MROH7: variants seen among roughly 807,000 people sequenced by gnomAD.
The protein encoded by MROH7 is maestro heat-like repeat-containing protein family member 7.
Under a neutral mutation model 129.2 loss-of-function variants are expected in MROH7, and 113 were observed. The observed-to-expected ratio is 0.87, with a 90% CI of 0.75 to 1.02. The LOEUF is 1.02. Ranked by LOEUF, MROH7 falls within the 50% of genes least tolerant of loss-of-function variation. The pLI is 0.00. For missense variants in MROH7, 1,601 were observed against 1,671.3 expected, an observed-to-expected ratio of 0.96 and a Z score of 0.73; for synonymous variants, 655 against 667.9, an observed-to-expected ratio of 0.98 and a Z score of 0.30.
chr1:54,706,585 T>C (rs1237230249), intron 22 of MROH7, 48 bp downstream of exon 22: 2 of 1,432,394 alleles, frequency 1.4e-6, no homozygotes, highest in Non-Finnish European at 2.0e-6. Flanking sequence ...CTCTGCCTGC[T>C]CTCCAGTTTG....
At chr1:54,655,496 G>A (rs376663358) in intron 3 of MROH7, among the ~76,000 whole-genome samples, 3 of 151,796 alleles carry the variant, frequency 2.0e-5, no homozygotes, top group South Asian at 4.2e-4. Context: ...TCAGCCTCCC[G>A]AGTAGCTAGG....
chr1:54,701,106 G>C, intron 18 of MROH7, 37 bp from the exon 19 acceptor site: 1 of 1,606,890 alleles, frequency 6.2e-7, no homozygotes, highest in African/African-American at 1.3e-5. Flanking sequence ...TGCTAGCTCA[G>C]ATAGGAGCCC....
chr1:54,665,916 T>C (rs1283841270), intron 4 of MROH7: 1 of 152,370 alleles, frequency 6.6e-6, no homozygotes, highest in Non-Finnish European at 1.5e-5. Context: ...GAGAAGTGAC[T>C]GGACTAAGAG....
chr1:54,645,988 T>A (rs1644460623), intron 1 of MROH7, among the ~76,000 whole-genome samples: 1 of 152,210 alleles, frequency 6.6e-6, no homozygotes, highest in African/African-American at 2.4e-5. Flanking sequence ...CTTGGCACTG[T>A]TCCGTACTCT....
chr1:54,706,036 C>T (rs980233145), intron 21 of MROH7, among the ~76,000 whole-genome samples: 10 of 152,102 alleles, frequency 6.6e-5, no homozygotes, highest in African/African-American at 1.2e-4. Flanking sequence ...CGAGTAAGCC[C>T]TATTTCTGTC....
At chr1:54,698,989 TC>T (rs1305126593) in intron 17 of MROH7, 1 of 151,912 alleles carries the variant, frequency 6.6e-6, no homozygotes, top group African/African-American at 2.4e-5. Flanking sequence ...AGATGGGGTT[TC>T]CCCATGTTGG....
rs2101067733 is a variant in MROH7, at chr1:54,653,792, G to A, written c.866G>A (p.Ser289Asn). ...AGCGGCCACTCCAGATCTGATTTGA[G>A]CGTGACCATCACTCAAGCCTCGTAT... is the stretch of plus-strand genomic sequence containing the variant. ...ASSGHSRSDL[S>N]VTITQASYVT... Residue 289 changes from serine (S) to asparagine (N), a missense_variant, in exon 3 of 24, where the codon AGC becomes AAC. Physicochemically the swap from Ser to Asn is conservative, Grantham distance 46. Coordinates refer to ENST00000421030, the MANE Select transcript of MROH7 (RefSeq NM_001039464.4). 1 of 1,614,192 alleles carries A rather than the reference G, an allele frequency of 6.2e-7. No homozygotes were observed. The highest frequency in any genetic ancestry group is 8.5e-7 in the Non-Finnish European group (1 of 1,180,042).
intron 3 of MROH7, among the ~76,000 whole-genome samples, chr1:54,657,632 TC>T (rs1644669481): frequency 6.6e-6 from 1 of 152,082 alleles, no homozygotes; most frequent in Non-Finnish European, 1.5e-5. Flanking sequence ...TGCCTTGGGT[TC>T]CCCAAGTGCT....
intron 4 of MROH7, among the ~76,000 whole-genome samples, chr1:54,666,000 A>G (rs148993359): frequency 0.013 from 1,999 of 152,334 alleles, 41 homozygotes; most frequent in East Asian, 0.079. Context: ...TTCCTGCCAC[A>G]CTGGCCTTTT....
rs375694936 is a variant in MROH7 at position 54,657,693 on chromosome 1, T to TA, written c.1231+3536_1231+3537insA. On this transcript the variant is annotated intron_variant, in intron 3 of 23. Transcript: ENST00000421030. ...ACCTGGCCCTATCTTAACCTTTTTT[T>TA]TTTTTTGAGATGGAGTCTTGATTGC... Among the ~76,000 whole-genome samples, 161 of 152,208 alleles carry TA rather than the reference T, an allele frequency of 1.1e-3. 1 individual carries two copies. The highest frequency in any genetic ancestry group is 3.4e-3 in the Middle Eastern group (1 of 294).
chr1:54,674,767 C>A (rs995299647), intron 10 of MROH7, among the ~76,000 whole-genome samples: 4 of 152,164 alleles, frequency 2.6e-5, no homozygotes, highest in African/African-American at 9.7e-5. Flanking sequence ...TATCAGCTGT[C>A]ACTTGCCTCC....
rs1318464473 is a variant in MROH7 at position 54,668,940 on chromosome 1, G to C, written c.1389+3G>C. 2 of 1,609,086 alleles carry C rather than the reference G, an allele frequency of 1.2e-6. No homozygotes were observed. The highest frequency in any genetic ancestry group is 1.1e-5 in the South Asian group (1 of 90,960). On this transcript the variant is annotated splice_donor_region_variant and intron_variant, in intron 5 of 23. Coordinates refer to ENST00000421030, the MANE Select transcript of MROH7 (RefSeq NM_001039464.4). ...AGACCATGATAAAGAAGATTATGGT[G>C]GGGGAGCCACAGGCGGGTCTGTGGC...
At chr1:54,684,681 AG>A (rs1248027475) in intron 14 of MROH7, among the ~76,000 whole-genome samples, 8 of 152,236 alleles carry the variant, frequency 5.3e-5, no homozygotes, top group African/African-American at 1.9e-4. Flanking sequence ...CTGCTGGAAA[AG>A]TACAAGGGCT....
Position 54,665,297 on chromosome 1 carries a change from C to T in MROH7, c.1305+57C>T, listed in dbSNP as rs1215500572. 3 of 1,410,310 alleles carry T rather than the reference C, an allele frequency of 2.1e-6. No homozygotes were observed. In the African/African-American group the frequency reaches 4.2e-5, roughly 20 times the overall value. 87.4% of individuals were successfully genotyped at this position (1,410,310 alleles called of 1,614,324 possible). A position where few individuals can be genotyped will look rare whatever the true frequency, so the allele number is the denominator to read the frequency against. On this transcript the variant is annotated intron_variant, in intron 4 of 23. Transcript: ENST00000421030. ...TGCTGGGATACTTCCATCCTGCCAA[C>T]CCCCTACCCCCCAGCCCAGCAGCCT...
At chr1:54,680,729 A>G (rs1645056404) in intron 13 of MROH7, among the ~76,000 whole-genome samples, 1 of 152,080 alleles carries the variant, frequency 6.6e-6, no homozygotes, top group South Asian at 2.1e-4. Flanking sequence ...CTTTCTTTGA[A>G]TGAGTAAAAC....
intron 4 of MROH7, 149 bp from the exon 5 acceptor site, chr1:54,668,705 G>C: frequency 1.6e-6 from 1 of 614,978 alleles, no homozygotes; most frequent in Non-Finnish European, 2.9e-6. Context: ...CCCACCCCAA[G>C]CTCCCCTTGT....
rs760754674 is a variant in MROH7 at position 54,702,608 on chromosome 1, C to T, written c.3442-15C>T. On this transcript the variant is annotated splice_polypyrimidine_tract_variant and intron_variant, in intron 20 of 23. Coordinates refer to ENST00000421030, the MANE Select transcript of MROH7 (RefSeq NM_001039464.4). ...CTGTCCACAGTTCTGATATTTTCTTCCTATTGGTTCCCAGAAGTGTGTGAA... is the reference window on the plus strand; with the variant it reads ...CTGTCCACAGTTCTGATATTTTCTTTCTATTGGTTCCCAGAAGTGTGTGAA... The T allele has an allele frequency of 7.6e-6, 12 of 1,573,588 alleles. No homozygotes were observed. In the East Asian group the frequency reaches 2.5e-4, roughly 33 times the overall value.
chr1:54,699,970 A>G, intron 17 of MROH7: 3 of 614,950 alleles, frequency 4.9e-6, no homozygotes, highest in Non-Finnish European at 5.9e-6. Context: ...GGGGTGGAAC[A>G]GCCTGGGTAG....
chr1:54,657,337 A>G (rs1644665314), intron 3 of MROH7, among the ~76,000 whole-genome samples: 1 of 152,064 alleles, frequency 6.6e-6, no homozygotes, highest in African/African-American at 2.4e-5. Flanking sequence ...AGCATGAGCC[A>G]CCATGTCCAG....
Sources: gnomAD v4.1 joint callset for allele counts (sites outside exome capture counted in the v4.1 genomes callset) on GRCh38, gnomAD v4.1.1 for gene constraint, MANE v1.5 for transcripts, NCBI Gene and HGNC (gene_info 2026-07-23, HGNC 2026-07-21) for gene names.